The following EPHA5 variants were observed in gnomAD, a reference collection of about 807,000 sequenced individuals.
EPHA5 encodes the protein EPH receptor A5, also known as ephrin type-A receptor 5.
EPHA5 carries 60 observed loss-of-function variants against 105.0 expected under a neutral mutation model. The ratio of observed to expected loss-of-function variants is 0.57; its 90% CI spans 0.46 to 0.71. The LOEUF (loss-of-function observed/expected upper bound fraction) is 0.71. Ranked by LOEUF, EPHA5 falls within the 30% of genes least tolerant of loss-of-function variation. EPHA5 has a pLI of 0.00. For missense variants in EPHA5, 1,218 were observed against 1,274.7 expected (o/e 0.96, Z 0.68); for synonymous variants, 513 against 449.1 (o/e 1.14, Z -1.80).
intron 5 of EPHA5, among the ~76,000 whole-genome samples, chr4:65,471,841 C>T (rs775701764): frequency 3.3e-5 from 5 of 152,098 alleles, no homozygotes; most frequent in Non-Finnish European, 7.4e-5. Flanking sequence ...GATGAGATTT[C>T]GGTGGGAACA....
At chr4:65,651,504 GA>G (rs1272823439) in intron 1 of EPHA5, among the ~76,000 whole-genome samples, 1 of 152,098 alleles carries the variant, frequency 6.6e-6, no homozygotes, top group Non-Finnish European at 1.5e-5. Flanking sequence ...GAATTCTAAT[GA>G]CATTTAAAAA....
At chr4:65,581,711 T>C (rs1178329524) in intron 3 of EPHA5, among the ~76,000 whole-genome samples, 1 of 151,732 alleles carries the variant, frequency 6.6e-6, no homozygotes, top group Non-Finnish European at 1.5e-5. Context: ...GCACTTTACT[T>C]CCTTAAATAA....
At chr4:65,439,538 G>T (rs1725817132) in intron 5 of EPHA5, among the ~76,000 whole-genome samples, 2 of 151,494 alleles carry the variant, frequency 1.3e-5, no homozygotes, top group South Asian at 4.2e-4. Flanking sequence ...GCAAGTGCTG[G>T]TTGAAAATTC....
At chr4:65,491,729 T>C (rs1731420181) in intron 4 of EPHA5, among the ~76,000 whole-genome samples, 1 of 152,074 alleles carries the variant, frequency 6.6e-6, no homozygotes, top group Non-Finnish European at 1.5e-5. Flanking sequence ...ATATGAGTAA[T>C]GAAATCCATG....
At chr4:65,597,464 A>C (rs1032571662) in intron 3 of EPHA5, among the ~76,000 whole-genome samples, 1 of 147,376 alleles carries the variant, frequency 6.8e-6, no homozygotes, top group Non-Finnish European at 1.5e-5. Flanking sequence ...TTACTAAAAA[A>C]AAAAAGTCTC....
intron 3 of EPHA5, among the ~76,000 whole-genome samples, chr4:65,538,599 A>G (rs1330210850): frequency 1.3e-5 from 2 of 151,672 alleles, no homozygotes; most frequent in Non-Finnish European, 3.0e-5. Flanking sequence ...AAATAAAAAG[A>G]TTAACAGATG....
At chr4:65,396,520 T>C (rs564391001) in intron 8 of EPHA5, among the ~76,000 whole-genome samples, 1 of 152,224 alleles carries the variant, frequency 6.6e-6, no homozygotes, top group Admixed American at 6.5e-5. Context: ...ATGAGCCTTA[T>C]CCCGTTGGAA....
chr4:65,442,139 C>A (rs1726077354), intron 5 of EPHA5, among the ~76,000 whole-genome samples: 1 of 152,070 alleles, frequency 6.6e-6, no homozygotes, highest in Admixed American at 6.6e-5. Flanking sequence ...CCCGCCACAA[C>A]ACCCCATCCA....
intron 2 of EPHA5, among the ~76,000 whole-genome samples, chr4:65,604,248 G>T (rs1744014036): frequency 6.6e-6 from 1 of 152,006 alleles, no homozygotes; most frequent in Admixed American, 6.6e-5. Context: ...CAAAGTCCAG[G>T]GTACCACAAA....
At chr4:65,487,588 A>C (rs73822175) in intron 5 of EPHA5, among the ~76,000 whole-genome samples, 3,925 of 152,228 alleles carry the variant, frequency 0.026, 177 homozygotes, top group African/African-American at 0.089. Context: ...ATCAGCTGGC[A>C]TCATACAGAA....
chr4:65,348,151 T>C lies in EPHA5; in HGVS notation c.2498A>G (p.Lys833Arg). The change falls in exon 14 of 17, where the codon AAG (lysine) becomes AGG (arginine). Residue 833 changes from lysine (K) to arginine (R), a missense_variant. By Grantham distance (26) the Lys-to-Arg change is conservative. Around this residue, in one of 3 missense-constraint regions of EPHA5, gnomAD observed 971 missense variants for 1,013.5 expected, o/e 0.96. Transcript: ENST00000613740. ...CCAGACATCACTGGCAGAAGTAAACTTTCGGAAAGCTATTGCTTCTGGGGC... is the reference window on the plus strand; with the variant it reads ...CCAGACATCACTGGCAGAAGTAAACCTTCGGAAAGCTATTGCTTCTGGGGC... ...WTAPEAIAFR[K>R]FTSASDVWSY... 6.2e-7 allele frequency: 1 copy of C among 1,613,788 alleles called. No individual in the cohort carries two copies.
At chr4:65,387,659 A>G (rs1338764735) in intron 8 of EPHA5, among the ~76,000 whole-genome samples, 1 of 151,954 alleles carries the variant, frequency 6.6e-6, no homozygotes, top group East Asian at 1.9e-4. Context: ...CGTTTGGAAC[A>G]GGTAGAACAG....
chr4:65,444,986 T>A (rs1322340697), intron 5 of EPHA5, among the ~76,000 whole-genome samples: 1 of 152,070 alleles, frequency 6.6e-6, no homozygotes, highest in Non-Finnish European at 1.5e-5. Context: ...AGCAAAGAAA[T>A]AAATAGTATT....
intron 5 of EPHA5, among the ~76,000 whole-genome samples, chr4:65,478,662 G>T (rs1730062223): frequency 6.6e-6 from 1 of 151,992 alleles, no homozygotes; most frequent in African/African-American, 2.4e-5. Context: ...AGTAGAGATG[G>T]GGTTCCGCCA....
At chr4:65,347,219 A>C (rs1722306653) in intron 14 of EPHA5, among the ~76,000 whole-genome samples, 3 of 152,184 alleles carry the variant, frequency 2.0e-5, no homozygotes, top group African/African-American at 7.2e-5. Context: ...TTAAATTAAA[A>C]CTGTTCAATA....
chr4:65,392,798 G>T (rs1012460033), intron 8 of EPHA5, among the ~76,000 whole-genome samples: 1 of 152,042 alleles, frequency 6.6e-6, no homozygotes, highest in African/African-American at 2.4e-5. Context: ...TGGGAAAAAT[G>T]GACAAACCAC....
At position 65,607,495 on chromosome 4, in the gene EPHA5, A is replaced by AAAC. The variant is rs1560766164; in HGVS notation, c.247-5192_247-5191insGTT. ...AAAAACAAACAAACAAACAAACAAA[A>AAAC]AAAAAAACATCAAAAAGTGGGCAAA... On this transcript the variant is annotated intron_variant, in intron 2 of 16. Coordinates refer to ENST00000613740, the MANE Select transcript of EPHA5 (RefSeq NM_001281766.3). 2.8e-3 allele frequency among the ~76,000 whole-genome samples: 273 copies of AAAC among 96,308 alleles called. 1 individual carries two copies. The highest frequency in any genetic ancestry group is 4.6e-3 in the Non-Finnish European group (172 of 37,766). The allele number at this position is 96,308 out of a possible 152,430, so 63.2% of individuals were successfully genotyped here. A position where few individuals can be genotyped will look rare whatever the true frequency, so the allele number is the denominator to read the frequency against.
At chr4:65,337,374 T>TC (rs1245816785) in intron 14 of EPHA5, among the ~76,000 whole-genome samples, 5 of 152,060 alleles carry the variant, frequency 3.3e-5, no homozygotes, top group Admixed American at 2.0e-4. Context: ...CCTCCTCCCT[T>TC]CCCCTTCCTC....
chr4:65,348,692 ATATATAAAATATATATGTGTGTGT>A (rs1249696008), intron 13 of EPHA5, among the ~76,000 whole-genome samples: 4 of 48,370 alleles, frequency 8.3e-5, no homozygotes, highest in Admixed American at 6.8e-4. Flanking sequence ...ATATATATAT[ATATATAAAATATATATGTGTGTGT>A]ATATATATGT....
Sources: allele counts gnomAD v4.1 joint callset (sites outside exome capture counted in the v4.1 genomes callset), GRCh38; gene constraint gnomAD v4.1.1; regional missense constraint gnomAD v4.1.1; transcripts MANE v1.5; gene names NCBI Gene and HGNC (gene_info 2026-07-23, HGNC 2026-07-21).